TOM1L2: variants seen among roughly 807,000 people sequenced by gnomAD.
TOM1L2 encodes the protein TOM1-like protein 2.
A neutral mutation model predicts 67.9 loss-of-function variants in TOM1L2; 31 were observed. That is an observed-to-expected ratio of 0.46 (90% confidence interval 0.34 to 0.62). The LOEUF (loss-of-function observed/expected upper bound fraction) is 0.62, where lower values mean the gene tolerates loss of function less well. Ranked by LOEUF, TOM1L2 falls within the 20% of genes least tolerant of loss-of-function variation. The probability of loss-of-function intolerance (pLI) is 0.01; values close to 1 mark genes in which losing one functional copy is unlikely to be tolerated. For synonymous variants in TOM1L2, 256 were observed against 254.0 expected (o/e 1.01, Z -0.07); for missense variants, 606 against 663.5 (o/e 0.91, Z 0.95).
chr17:17,852,607 T>G (rs1035903826), intron 12 of TOM1L2, among the ~76,000 whole-genome samples: 1 of 152,170 alleles, frequency 6.6e-6, no homozygotes, highest in South Asian at 2.1e-4. Flanking sequence ...GGCTCATGCC[T>G]GTAATCCCAG....
chr17:17,862,924 A>G (rs1486226616), intron 10 of TOM1L2, 76 bp from the exon 11 acceptor site: 3 of 715,942 alleles, frequency 4.2e-6, no homozygotes, highest in Middle Eastern at 2.9e-4. Context: ...CCCCCAAGCT[A>G]GGACGCCAGC....
chr17:17,882,692 A>C lies in TOM1L2; in HGVS notation c.660+13T>G. 2.5e-6 allele frequency: 4 copies of C among 1,612,154 alleles called. No homozygotes were observed. Among genetic ancestry groups the C allele is most frequent in the Non-Finnish European group, 3.4e-6 (4 of 1,178,328 alleles). On this transcript the variant is annotated intron_variant, in intron 6 of 14. Coordinates refer to ENST00000379504, the MANE Select transcript of TOM1L2 (RefSeq NM_001082968.2). ...TCAGCTGGCTTGCCTATGGCCCCGA[A>C]GTATGCAAGTACCTGTTCTGAATTG...
intron 1 of TOM1L2, among the ~76,000 whole-genome samples, chr17:17,917,688 T>G (rs376481224): frequency 9.7e-6 from 1 of 102,858 alleles, no homozygotes; most frequent in Non-Finnish European, 1.9e-5. Context: ...CCAGGCCAGC[T>G]CATGCCTGTA....
chr17:17,914,811 G>A (rs900327164), intron 1 of TOM1L2, among the ~76,000 whole-genome samples: 2 of 152,158 alleles, frequency 1.3e-5, no homozygotes, highest in African/African-American at 4.8e-5. Flanking sequence ...GGGTGGTCAA[G>A]TCTTTGAGTC....
At chr17:17,922,233 A>G (rs1268399223) in intron 1 of TOM1L2, among the ~76,000 whole-genome samples, 2 of 152,142 alleles carry the variant, frequency 1.3e-5, no homozygotes, top group Admixed American at 6.5e-5. Context: ...GCCTGGTACA[A>G]GGAAAGAGCA....
chr17:17,952,371 ATTTTCTT>A (rs1598399058), intron 1 of TOM1L2, among the ~76,000 whole-genome samples: 2 of 31,134 alleles, frequency 6.4e-5, no homozygotes, highest in African/African-American at 1.4e-4. Flanking sequence ...GTGCTTCTTT[ATTTTCTT>A]TTTTTTTTTT....
chr17:17,943,055 G>T (rs1263768385), intron 1 of TOM1L2, among the ~76,000 whole-genome samples: 3 of 152,184 alleles, frequency 2.0e-5, no homozygotes, highest in Non-Finnish European at 2.9e-5. Context: ...AACAAGATTG[G>T]ATTGGCCAGA....
chr17:17,855,565 C>G (rs564769064), intron 12 of TOM1L2, among the ~76,000 whole-genome samples: 11 of 152,192 alleles, frequency 7.2e-5, no homozygotes, highest in Non-Finnish European at 1.3e-4. Context: ...AGCCCATTGA[C>G]AAGTCTCATT....
chr17:17,884,048 A>G (rs886362663), intron 5 of TOM1L2, among the ~76,000 whole-genome samples: 1 of 152,192 alleles, frequency 6.6e-6, no homozygotes, highest in African/African-American at 2.4e-5. Flanking sequence ...TGCCCCCTCC[A>G]CGGTGCTCAA....
chr17:17,848,781 A>T, intron 14 of TOM1L2, 42 bp downstream of exon 14: 1 of 1,610,212 alleles, frequency 6.2e-7, no homozygotes, highest in Non-Finnish European at 8.5e-7. Context: ...GCCTGCACAG[A>T]GGCAACAAAA....
At chr17:17,866,455 C>A (rs931135218) in intron 9 of TOM1L2, 36 bp from the exon 10 acceptor site, 7 of 1,546,836 alleles carry the variant, frequency 4.5e-6, no homozygotes, top group Non-Finnish European at 6.1e-6. Context: ...AGCCCCAGAA[C>A]CCTGGAGTCA....
At position 17,846,257 on chromosome 17, in the gene TOM1L2, T is replaced by C. The variant is rs1024838892; in HGVS notation, c.*1378A>G. 6 of 152,382 alleles carry C rather than the reference T, an allele frequency of 3.9e-5. No homozygotes were observed. 9.4% of individuals were successfully genotyped at this position (152,382 alleles called of 1,614,324 possible). A position where few individuals can be genotyped will look rare whatever the true frequency, so the allele number is the denominator to read the frequency against. On this transcript the variant is annotated 3_prime_UTR_variant, in exon 15 of 15. Coordinates refer to ENST00000379504, the MANE Select transcript of TOM1L2 (RefSeq NM_001082968.2). The stretch of plus-strand genomic sequence containing the variant: ...CTGTGCTGACCTAGGCAGTGCATGC[T>C]GGAGGGGACAGGAGCAGACTGACCC...
At chr17:17,927,085 A>G (rs2040121300) in intron 1 of TOM1L2, among the ~76,000 whole-genome samples, 1 of 152,098 alleles carries the variant, frequency 6.6e-6, no homozygotes, top group South Asian at 2.1e-4. Flanking sequence ...TGCAAATAAG[A>G]TCAAAATCCA....
chr17:17,902,022 C>G (rs893934537), intron 2 of TOM1L2, among the ~76,000 whole-genome samples: 1 of 152,090 alleles, frequency 6.6e-6, no homozygotes, highest in Non-Finnish European at 1.5e-5. Context: ...ACTAAAAATA[C>G]AAAATTAGCC....
At chr17:17,968,448 C>T (rs759965313) in intron 1 of TOM1L2, among the ~76,000 whole-genome samples, 2 of 152,094 alleles carry the variant, frequency 1.3e-5, no homozygotes, top group African/African-American at 2.4e-5. Flanking sequence ...GGGTGGATCA[C>T]GAGGTCAGGA....
intron 1 of TOM1L2, among the ~76,000 whole-genome samples, chr17:17,940,606 T>G (rs139257586): frequency 1.3e-5 from 2 of 152,216 alleles, no homozygotes; most frequent in East Asian, 3.9e-4. Context: ...AAGGTAAGCC[T>G]GAAAGAATGA....
chr17:17,945,712 A>G (rs1318764715), intron 1 of TOM1L2, among the ~76,000 whole-genome samples: 2 of 152,190 alleles, frequency 1.3e-5, no homozygotes, highest in Non-Finnish European at 2.9e-5. Flanking sequence ...TCAGCACCAC[A>G]TAAAACTGGA....
At chr17:17,851,400 G>A (rs1003404541) in intron 12 of TOM1L2, 2 of 270,682 alleles carry the variant, frequency 7.4e-6, no homozygotes, top group Admixed American at 1.0e-4. Flanking sequence ...AGCCTGCCCA[G>A]AGCGGGGTAC....
intron 1 of TOM1L2, among the ~76,000 whole-genome samples, chr17:17,965,754 T>C (rs1568405367): frequency 6.6e-6 from 1 of 152,208 alleles, no homozygotes; most frequent in Admixed American, 6.5e-5. Flanking sequence ...GAGGATCGAA[T>C]GACTGCAAGA....
Sources: gnomAD v4.1 joint callset for allele counts (sites outside exome capture counted in the v4.1 genomes callset) on GRCh38, gnomAD v4.1.1 for gene constraint, MANE v1.5 for transcripts, NCBI Gene and HGNC (gene_info 2026-07-23, HGNC 2026-07-21) for gene names.